Variants in GRIK2 observed in about 807,000 individuals in gnomAD.
The protein encoded by GRIK2 is glutamate receptor ionotropic, kainate 2.
A neutral mutation model predicts 100.3 loss-of-function variants in GRIK2; 32 were observed. The observed-to-expected ratio is 0.32, with a 90% CI of 0.24 to 0.43. The LOEUF (loss-of-function observed/expected upper bound fraction) is 0.43, where lower values mean the gene tolerates loss of function less well. Ranked by LOEUF, GRIK2 falls within the 20% of genes least tolerant of loss-of-function variation. The probability of loss-of-function intolerance (pLI) is 1.00; values close to 1 mark genes in which losing one functional copy is unlikely to be tolerated. For missense variants in GRIK2, 843 were observed against 1,114.9 expected (o/e 0.76, Z 3.47); for synonymous variants, 417 against 389.4 (o/e 1.07, Z -0.83).
intron 7 of GRIK2, among the ~76,000 whole-genome samples, chr6:101,691,645 G>A (rs572200316): frequency 1.3e-5 from 2 of 152,204 alleles, no homozygotes; most frequent in South Asian, 2.1e-4. Flanking sequence ...TAGTAAGTTA[G>A]AAGAGTAGTT....
At chr6:101,720,898 G>A (rs1024340062) in intron 7 of GRIK2, among the ~76,000 whole-genome samples, 1 of 151,860 alleles carries the variant, frequency 6.6e-6, no homozygotes, top group Non-Finnish European at 1.5e-5. Flanking sequence ...CTTAGCATTT[G>A]CATTTTTTAT....
intron 2 of GRIK2, among the ~76,000 whole-genome samples, chr6:101,546,184 C>T (rs186077540): frequency 4.3e-4 from 66 of 152,080 alleles, no homozygotes; most frequent in African/African-American, 1.5e-3. Context: ...TAACAATAAA[C>T]ACAAGAAAAT....
intron 12 of GRIK2, among the ~76,000 whole-genome samples, chr6:101,893,680 C>G (rs1324235761): frequency 6.6e-6 from 1 of 151,582 alleles, no homozygotes; most frequent in Admixed American, 6.6e-5. Flanking sequence ...ATTTGTTGAG[C>G]CTCTAGTAAG....
At position 101,552,546 on chromosome 6, in the gene GRIK2, A is replaced by G. The variant is rs142171198; in HGVS notation, c.116-69403A>G. On this transcript the variant is annotated intron_variant, in intron 2 of 16. Transcript: ENST00000369134. ...AGATGATAATCACTGGAAATTCTCA[A>G]AGGATAATCCTCCCCATTCAATATT... Among the ~76,000 whole-genome samples the G allele has an allele frequency of 1.4e-3, 207 of 152,286 alleles. No homozygotes were observed. The East Asian group carries it at 0.014, about 10-fold the overall frequency.
At chr6:101,531,746 T>C (rs1775454639) in intron 2 of GRIK2, among the ~76,000 whole-genome samples, 1 of 151,878 alleles carries the variant, frequency 6.6e-6, no homozygotes, top group Admixed American at 6.6e-5. Flanking sequence ...CCTATCTTGG[T>C]TAATAGCACC....
At chr6:101,574,683 T>C (rs1223829335) in intron 2 of GRIK2, among the ~76,000 whole-genome samples, 10 of 151,736 alleles carry the variant, frequency 6.6e-5, no homozygotes, top group African/African-American at 2.4e-4. Flanking sequence ...AGAATGCTAC[T>C]CTAAGTATTA....
intron 7 of GRIK2, among the ~76,000 whole-genome samples, chr6:101,762,990 C>T (rs570006583): frequency 1.3e-5 from 2 of 151,218 alleles, no homozygotes; most frequent in African/African-American, 4.9e-5. Flanking sequence ...CCCAGACAGA[C>T]TCAACAGCAG....
At chr6:101,659,141 T>A (rs1181373400) in intron 4 of GRIK2, among the ~76,000 whole-genome samples, 5 of 152,230 alleles carry the variant, frequency 3.3e-5, no homozygotes, top group Admixed American at 6.5e-5. Flanking sequence ...GTTTTTATGG[T>A]TTTAAATCTT....
At chr6:101,982,059 G>T (rs1479504825) in intron 14 of GRIK2, among the ~76,000 whole-genome samples, 1 of 151,758 alleles carries the variant, frequency 6.6e-6, no homozygotes, top group East Asian at 1.9e-4. Flanking sequence ...TTTCACATTC[G>T]CTATTTGAAG....
intron 16 of GRIK2, 59 bp from the exon 17 acceptor site, chr6:102,068,288 C>T (rs1772116636): frequency 1.6e-6 from 2 of 1,249,826 alleles, no homozygotes; most frequent in Non-Finnish European, 2.3e-6. Flanking sequence ...TAATATTGAT[C>T]TTGGACAGTT....
chr6:101,632,508 T>C (rs1185377436), intron 4 of GRIK2, among the ~76,000 whole-genome samples: 1 of 152,178 alleles, frequency 6.6e-6, no homozygotes, highest in Non-Finnish European at 1.5e-5. Flanking sequence ...CTTTAACTAC[T>C]TGCCAAGGAA....
intron 2 of GRIK2, among the ~76,000 whole-genome samples, chr6:101,583,222 G>T (rs679098): frequency 0.36 from 54,881 of 151,898 alleles, 10,983 homozygotes; most frequent in African/African-American, 0.55. Context: ...AAGGGGAGTC[G>T]GCTGGTGGAG....
chr6:101,755,693 C>T (rs1201974376), intron 7 of GRIK2, among the ~76,000 whole-genome samples: 2 of 152,116 alleles, frequency 1.3e-5, no homozygotes, highest in African/African-American at 2.4e-5. Flanking sequence ...AAAAGTGTAT[C>T]TACTAAGTGT....
intron 2 of GRIK2, among the ~76,000 whole-genome samples, chr6:101,431,999 A>G (rs767799266): frequency 2.6e-5 from 4 of 152,180 alleles, no homozygotes; most frequent in African/African-American, 4.8e-5. Flanking sequence ...CTGTCCACAT[A>G]CAAGAAGCTA....
At chr6:101,505,337 G>A (rs1182980004) in intron 2 of GRIK2, among the ~76,000 whole-genome samples, 1 of 152,046 alleles carries the variant, frequency 6.6e-6, no homozygotes, top group South Asian at 2.1e-4. Flanking sequence ...ATGACTTGCC[G>A]AAGCTTTCCT....
chr6:101,404,015 A>G (rs1240489463), intron 2 of GRIK2, among the ~76,000 whole-genome samples: 1 of 152,264 alleles, frequency 6.6e-6, no homozygotes, highest in Non-Finnish European at 1.5e-5. Flanking sequence ...TGACTTTGAA[A>G]AATGATCTTT....
At chr6:101,429,007 T>C (rs1225551787) in intron 2 of GRIK2, among the ~76,000 whole-genome samples, 3 of 152,252 alleles carry the variant, frequency 2.0e-5, no homozygotes, top group Non-Finnish European at 4.4e-5. Context: ...TTTAATTAAC[T>C]ACAACTTTAA....
At chr6:101,824,694 A>G (rs1782201901) in intron 10 of GRIK2, among the ~76,000 whole-genome samples, 1 of 152,180 alleles carries the variant, frequency 6.6e-6, no homozygotes, top group Non-Finnish European at 1.5e-5. Flanking sequence ...TGTCAAGGAG[A>G]TTCCTTCTCC....
At chr6:101,629,872 C>T (rs565035756) in intron 4 of GRIK2, among the ~76,000 whole-genome samples, 20 of 152,072 alleles carry the variant, frequency 1.3e-4, no homozygotes, top group Admixed American at 2.6e-4. Flanking sequence ...TCTCTCCCTC[C>T]CCACGCTTGT....
Sources: allele counts gnomAD v4.1 joint callset (sites outside exome capture counted in the v4.1 genomes callset), GRCh38; gene constraint gnomAD v4.1.1; transcripts MANE v1.5; gene names NCBI Gene and HGNC (gene_info 2026-07-23, HGNC 2026-07-21).